INTS8: variants seen among roughly 807,000 people sequenced by gnomAD.
The protein encoded by INTS8 is protein kaonashi-1.
In INTS8, 47 loss-of-function variants were observed where a neutral mutation model predicts 138.9. The ratio of observed to expected loss-of-function variants is 0.34; its 90% CI spans 0.27 to 0.43. The LOEUF (loss-of-function observed/expected upper bound fraction) is 0.43. Among genes scored for constraint, INTS8 ranks in the 20% least tolerant of loss-of-function variants. The pLI, the probability that INTS8 is intolerant of heterozygous loss-of-function variation, is 1.00. For synonymous variants in INTS8, 392 were observed against 400.9 expected (o/e 0.98, Z 0.27); for missense variants, 996 against 1,173.0 (o/e 0.85, Z 2.20).
intron 20 of INTS8, among the ~76,000 whole-genome samples, chr8:94,870,761 G>GAAGT (rs2131070117): frequency 6.6e-6 from 1 of 152,306 alleles, no homozygotes; most frequent in African/African-American, 2.4e-5. Flanking sequence ...CAGGGCAACA[G>GAAGT]AAGTACCTTG....
At chr8:94,872,930 A>G (rs1334046975) in intron 21 of INTS8, among the ~76,000 whole-genome samples, 1 of 152,208 alleles carries the variant, frequency 6.6e-6, no homozygotes, top group African/African-American at 2.4e-5. Context: ...CCCAGCTACT[A>G]ATTAACAGTA....
chr8:94,866,758 T>G (rs1001928371), intron 18 of INTS8: 2 of 191,868 alleles, frequency 1.0e-5, no homozygotes, highest in Admixed American at 1.2e-4. Context: ...GGGCTAGATG[T>G]GTGAAGCCTG....
chr8:94,856,421 C>G (rs117635061), intron 14 of INTS8, among the ~76,000 whole-genome samples: 7,304 of 152,150 alleles, frequency 0.048, 232 homozygotes, highest in Middle Eastern at 0.065. Context: ...ATGTGTAACC[C>G]TTGAATGGTG....
At chr8:94,844,927 T>A (rs1383269638) in intron 10 of INTS8, among the ~76,000 whole-genome samples, 1 of 151,730 alleles carries the variant, frequency 6.6e-6, no homozygotes, top group African/African-American at 2.4e-5. Flanking sequence ...TAATTTTTTT[T>A]ATTTTTGGTA....
chr8:94,840,712 C>T (rs116598602), intron 8 of INTS8, among the ~76,000 whole-genome samples: 5,118 of 151,712 alleles, frequency 0.034, 90 homozygotes, highest in Non-Finnish European at 0.04. Flanking sequence ...CGCCTGCCAA[C>T]GTGCCTGGCT....
At chr8:94,863,216 A>G (rs1816058412) in intron 16 of INTS8, among the ~76,000 whole-genome samples, 1 of 152,168 alleles carries the variant, frequency 6.6e-6, no homozygotes, top group Admixed American at 6.5e-5. Context: ...TAGGTTGTTC[A>G]TGTGGCCTAC....
chr8:94,841,466 G>A, intron 8 of INTS8, 25 bp from the exon 9 acceptor site: 1 of 1,184,462 alleles, frequency 8.4e-7, no homozygotes, highest in South Asian at 1.4e-5. Flanking sequence ...TTTGAAATGG[G>A]TGCAACTTTA....
chr8:94,861,341 C>A (rs199567570), intron 16 of INTS8, among the ~76,000 whole-genome samples: 67 of 134,396 alleles, frequency 5.0e-4, no homozygotes, highest in African/African-American at 1.6e-3. Flanking sequence ...GGCTCACTGC[C>A]AGCTCCGCCT....
chr8:94,838,144 C>T (rs530726320), intron 7 of INTS8, among the ~76,000 whole-genome samples: 19 of 151,734 alleles, frequency 1.3e-4, no homozygotes, highest in African/African-American at 3.6e-4. Context: ...CCTCTCCTCC[C>T]GGGCTCAAGC....
chr8:94,855,468 C>T (rs560757521), intron 14 of INTS8, among the ~76,000 whole-genome samples: 2 of 152,116 alleles, frequency 1.3e-5, no homozygotes, highest in African/African-American at 4.8e-5. Context: ...TTAGACAATG[C>T]ATCATGAGAC....
chr8:94,867,416 G>A, intron 20 of INTS8, 79 bp downstream of exon 20: 2 of 1,025,782 alleles, frequency 1.9e-6, no homozygotes, highest in Non-Finnish European at 3.0e-6. Flanking sequence ...GATACCCTTA[G>A]ATAATTTTAT....
At chr8:94,878,685 CCTCAGCCCT>C (rs1266615897) in intron 26 of INTS8, among the ~76,000 whole-genome samples, 1 of 152,150 alleles carries the variant, frequency 6.6e-6, no homozygotes, top group African/African-American at 2.4e-5. Flanking sequence ...CCTCCAGCCC[CCTCAGCCCT>C]CTCTGCCTAG....
In INTS8 at chr8:94,823,423, G is replaced by A. The variant is rs772481208; in HGVS notation, c.-9G>A. The A allele has an allele frequency of 6.6e-7, 1 of 1,519,590 alleles. No individual in the cohort carries two copies. The highest frequency in any genetic ancestry group is 1.3e-5 in the South Asian group (1 of 79,774). 94.1% of individuals were successfully genotyped at this position (1,519,590 alleles called of 1,614,324 possible). ...AAGCGGCCCTGGTGGTAGCGGCGGC[G>A]GGGGCAGGATGAGCGCGGAGGCGGC... On this transcript the variant is annotated 5_prime_UTR_variant, in exon 1 of 27. Transcript: ENST00000523731.
rs749501865 is a variant in INTS8, at chr8:94,874,012, ACAGT to A, written c.2638-537_2638-534del. Among the ~76,000 whole-genome samples, 78 of 152,326 alleles carry A rather than the reference ACAGT, an allele frequency of 5.1e-4. 1 individual carries two copies. Among genetic ancestry groups the A allele is most frequent in the African/African-American group, 1.5e-3 (64 of 41,576 alleles). ...TAATATACACAGTGAGATGATTACTACAGTCAAACAAAAAAACATATCCATTGCC... is the reference window on the plus strand; with the variant it reads ...TAATATACACAGTGAGATGATTACTACAAACAAAAAAACATATCCATTGCC... On this transcript the variant is annotated intron_variant, in intron 22 of 26. Coordinates refer to ENST00000523731, the MANE Select transcript of INTS8 (RefSeq NM_017864.4).
At chr8:94,872,492 C>T (rs1816433110) in intron 21 of INTS8, among the ~76,000 whole-genome samples, 1 of 152,170 alleles carries the variant, frequency 6.6e-6, no homozygotes, top group South Asian at 2.1e-4. Context: ...CCTCGGCCTC[C>T]CAAATTGTTA....
rs746241178 is a variant in INTS8, at chr8:94,876,491, T to TA, written c.2871+4dup. 1 of 1,537,474 alleles carries TA rather than the reference T, an allele frequency of 6.5e-7. No homozygotes were observed. The highest frequency in any genetic ancestry group is 1.2e-5 in the South Asian group (1 of 86,262). On this transcript the variant is annotated splice_region_variant and intron_variant, in intron 26 of 26. Transcript: ENST00000523731. ...GAAACAGATAAAAGACAAATTGCAG[T>TA]AAGTTACCTTATGCCTTTCTTCAGT...
At chr8:94,862,317 A>G (rs1816021286) in intron 16 of INTS8, among the ~76,000 whole-genome samples, 1 of 152,186 alleles carries the variant, frequency 6.6e-6, no homozygotes, top group African/African-American at 2.4e-5. Context: ...CTCATTATGG[A>G]CACCAGTAAT....
chr8:94,867,655 C>T lies in INTS8; in HGVS notation c.2414+318C>T, dbSNP rs151293361. The T allele has an allele frequency of 2.9e-3, 574 of 196,870 alleles. 4 individuals are homozygous for T. Among genetic ancestry groups the T allele is most frequent in the African/African-American group, 0.013 (551 of 42,876 alleles). 12.2% of individuals were successfully genotyped at this position (196,870 alleles called of 1,614,324 possible). On this transcript the variant is annotated intron_variant, in intron 20 of 26. Transcript: ENST00000523731. ...TCTCATGCCTCAGCCTCCCAAATAG[C>T]TGGGATTACAGGCACCCACCACCAC...
At chr8:94,849,792 A>T (rs957395294) in intron 11 of INTS8, 124 bp from the exon 12 acceptor site, 6 of 664,666 alleles carry the variant, frequency 9.0e-6, no homozygotes, top group Admixed American at 7.0e-5. Context: ...CTATTTTAAA[A>T]TATCATTATA....
Sources: allele counts gnomAD v4.1 joint callset (sites outside exome capture counted in the v4.1 genomes callset), GRCh38; gene constraint gnomAD v4.1.1; transcripts MANE v1.5; gene names NCBI Gene and HGNC (gene_info 2026-07-23, HGNC 2026-07-21).